NALF1: variants seen among roughly 807,000 people sequenced by gnomAD.
NALF1 encodes the protein NALCN channel auxiliary factor 1, also known as family with sequence similarity 155 member A.
Under a neutral mutation model 48.4 loss-of-function variants are expected in NALF1, and 3 were observed. The observed-to-expected ratio is 0.06, with a 90% CI of 0.03 to 0.16. NALF1 has a LOEUF of 0.16. Among genes scored for constraint, NALF1 ranks in the 10% least tolerant of loss-of-function variants. The pLI, the probability that NALF1 is intolerant of heterozygous loss-of-function variation, is 1.00. For missense variants in NALF1, 526 were observed against 571.5 expected, an observed-to-expected ratio of 0.92 and a Z score of 0.81; for synonymous variants, 262 against 245.7, an observed-to-expected ratio of 1.07 and a Z score of -0.62.
At chr13:107,839,169 C>T (rs572504776) in intron 1 of NALF1, among the ~76,000 whole-genome samples, 6 of 151,922 alleles carry the variant, frequency 3.9e-5, no homozygotes, top group African/African-American at 1.2e-4. Flanking sequence ...GTTGGCCTAC[C>T]GAGTTTAGTG....
chr13:107,431,681 A>T (rs962455590), intron 1 of NALF1, among the ~76,000 whole-genome samples: 1 of 152,174 alleles, frequency 6.6e-6, no homozygotes, highest in African/African-American at 2.4e-5. Flanking sequence ...TTCCAGGACT[A>T]AGTAATGTAT....
At chr13:107,740,036 A>C (rs1370625188) in intron 1 of NALF1, among the ~76,000 whole-genome samples, 1 of 152,176 alleles carries the variant, frequency 6.6e-6, no homozygotes, top group East Asian at 1.9e-4. Flanking sequence ...TAATAATAGA[A>C]ATAAAGTGCA....
Position 107,866,705 on chromosome 13 carries a change from G to T in NALF1, c.-109C>A. ...TTTAATTTCCTTATCCCCTCCTCCC[G>T]TTTCTTCTCTCTCCTCTCTCTCTTT... On this transcript the variant is annotated 5_prime_UTR_variant, in exon 1 of 3. Transcript: ENST00000375915. This position sits in a 1 kb window ranked among gnomAD's most constrained non-coding sequence, Gnocchi z 4.4. 3 of 831,184 alleles carry T rather than the reference G, an allele frequency of 3.6e-6. No homozygotes were observed. The highest frequency in any genetic ancestry group is 3.7e-6 in the Non-Finnish European group (2 of 537,220). 51.5% of individuals were successfully genotyped at this position (831,184 alleles called of 1,614,324 possible).
intron 1 of NALF1, among the ~76,000 whole-genome samples, chr13:107,354,917 G>A (rs1882936221): frequency 6.6e-6 from 1 of 152,184 alleles, no homozygotes. Context: ...GAAGACATGA[G>A]AATGAGAACG....
chr13:107,614,517 G>A (rs1334238772), intron 1 of NALF1, among the ~76,000 whole-genome samples: 1 of 152,072 alleles, frequency 6.6e-6, no homozygotes, highest in African/African-American at 2.4e-5. Context: ...ATACAATAAG[G>A]CTGATATGAA....
At chr13:107,680,359 A>G (rs1487633058) in intron 1 of NALF1, among the ~76,000 whole-genome samples, 1 of 152,130 alleles carries the variant, frequency 6.6e-6, no homozygotes, top group Non-Finnish European at 1.5e-5. Flanking sequence ...GGTCCCTGAA[A>G]GCTGAATTAT....
At position 107,523,019 on chromosome 13, in the gene NALF1, G is replaced by A. The variant is rs375862868; in HGVS notation, c.916-312264C>T. On this transcript the variant is annotated intron_variant, in intron 1 of 2. Coordinates refer to ENST00000375915, the MANE Select transcript of NALF1 (RefSeq NM_001080396.3). ...GTATGTCTAACTGGATCTATCATTG[G>A]TTTCTCATCTGAAACTACCATTTGG... Among the ~76,000 whole-genome samples, 7 of 152,238 alleles carry A rather than the reference G, an allele frequency of 4.6e-5. No individual in the cohort carries two copies. The South Asian group carries it at 1.0e-3, about 23-fold the overall frequency.
At chr13:107,326,613 T>C (rs948322089) in intron 1 of NALF1, among the ~76,000 whole-genome samples, 2 of 152,170 alleles carry the variant, frequency 1.3e-5, no homozygotes, top group Non-Finnish European at 1.5e-5. Flanking sequence ...ACTGAGAGGA[T>C]TGAGTAATAT....
chr13:107,330,462 T>C (rs562891230), intron 1 of NALF1, among the ~76,000 whole-genome samples: 1 of 152,346 alleles, frequency 6.6e-6, no homozygotes, highest in African/African-American at 2.4e-5. Flanking sequence ...CTCATTTGGT[T>C]CTCAATTTGG....
intron 1 of NALF1, among the ~76,000 whole-genome samples, chr13:107,767,666 T>C (rs1877453248): frequency 6.6e-6 from 1 of 152,200 alleles, no homozygotes; most frequent in East Asian, 1.9e-4. Flanking sequence ...TGGTCATTTT[T>C]CCCCAATATA....
At chr13:107,383,019 T>A (rs1174573829) in intron 1 of NALF1, among the ~76,000 whole-genome samples, 1 of 152,202 alleles carries the variant, frequency 6.6e-6, no homozygotes, top group Admixed American at 6.5e-5. Context: ...AACCCCAGAT[T>A]GATACCTGGG....
At chr13:107,816,904 C>A (rs188968005) in intron 1 of NALF1, among the ~76,000 whole-genome samples, 1 of 152,262 alleles carries the variant, frequency 6.6e-6, no homozygotes, top group South Asian at 2.1e-4. Flanking sequence ...CAAGCAAATA[C>A]ATTCACAAGT....
intron 1 of NALF1, among the ~76,000 whole-genome samples, chr13:107,603,750 T>G (rs1049255806): frequency 1.3e-5 from 2 of 152,228 alleles, no homozygotes; most frequent in African/African-American, 4.8e-5. Context: ...CTCCATTTTC[T>G]ATATTTCCAT....
At chr13:107,299,527 A>G (rs1337956906) in intron 1 of NALF1, among the ~76,000 whole-genome samples, 3 of 150,504 alleles carry the variant, frequency 2.0e-5, no homozygotes, top group South Asian at 2.1e-4. Flanking sequence ...CTAACATCCT[A>G]TTTTTCCTTA....
At chr13:107,702,808 G>A (rs1881855310) in intron 1 of NALF1, among the ~76,000 whole-genome samples, 1 of 152,014 alleles carries the variant, frequency 6.6e-6, no homozygotes, top group Non-Finnish European at 1.5e-5. Context: ...TTGATTTTCT[G>A]TGCCTGTGTT....
At chr13:107,666,781 T>A (rs1476546679) in intron 1 of NALF1, among the ~76,000 whole-genome samples, 4 of 151,982 alleles carry the variant, frequency 2.6e-5, no homozygotes, top group African/African-American at 9.7e-5. Context: ...CCCCATAATT[T>A]TTTTGTAAAG....
intron 1 of NALF1, among the ~76,000 whole-genome samples, chr13:107,610,759 A>G (rs1217385931): frequency 1.3e-5 from 2 of 152,218 alleles, no homozygotes; most frequent in African/African-American, 4.8e-5. Flanking sequence ...GCCTATGCGC[A>G]GGGAATGATA....
At chr13:107,509,291 G>A (rs1355127052) in intron 1 of NALF1, among the ~76,000 whole-genome samples, 1 of 152,032 alleles carries the variant, frequency 6.6e-6, no homozygotes, top group Non-Finnish European at 1.5e-5. Context: ...TCATCAAATA[G>A]AATTGATTGC....
chr13:107,702,027 A>G (rs1042140537), intron 1 of NALF1, among the ~76,000 whole-genome samples: 17 of 152,222 alleles, frequency 1.1e-4, no homozygotes, highest in Admixed American at 6.5e-4. Flanking sequence ...GCATTGACAA[A>G]CTTAAATGGT....
Sources: allele counts gnomAD v4.1 joint callset (sites outside exome capture counted in the v4.1 genomes callset), GRCh38; gene constraint gnomAD v4.1.1; non-coding constraint Gnocchi (gnomAD v3.1); transcripts MANE v1.5; gene names NCBI Gene and HGNC (gene_info 2026-07-23, HGNC 2026-07-21).